TRIB2: variants seen among roughly 807,000 people sequenced by gnomAD.
TRIB2 encodes the protein tribbles homolog 2.
TRIB2 carries 2 observed loss-of-function variants against 26.8 expected under a neutral mutation model. The observed-to-expected ratio is 0.07, with a 90% CI of 0.03 to 0.24. TRIB2 has a LOEUF of 0.24. Among genes scored for constraint, TRIB2 ranks in the 10% least tolerant of loss-of-function variants. The probability of loss-of-function intolerance (pLI) is 1.00; values close to 1 mark genes in which losing one functional copy is unlikely to be tolerated. For missense variants in TRIB2, 306 were observed against 449.0 expected (o/e 0.68, Z 2.88); for synonymous variants, 189 against 187.3 (o/e 1.01, Z -0.08).
Position 12,736,483 on chromosome 2 carries a change from A to G in TRIB2, c.564-3843A>G, listed in dbSNP as rs569216731. On this transcript the variant is annotated intron_variant, in intron 2 of 2. Coordinates refer to ENST00000155926, the MANE Select transcript of TRIB2 (RefSeq NM_021643.4). Reference sequence around the variant, plus strand: ...CTGATATCCCCACCCCCTTATCACTATGGGAGATTCCTTGATGCTGTCATT... The same window carrying G: ...CTGATATCCCCACCCCCTTATCACTGTGGGAGATTCCTTGATGCTGTCATT... Among the ~76,000 whole-genome samples, 11 of 152,174 alleles carry G rather than the reference A, an allele frequency of 7.2e-5. No individual in the cohort carries two copies. In the South Asian group the frequency reaches 1.9e-3, roughly 26 times the overall value.
chr2:12,727,969 C>T (rs1211092646), intron 2 of TRIB2, among the ~76,000 whole-genome samples: 2 of 152,148 alleles, frequency 1.3e-5, no homozygotes, highest in Admixed American at 1.3e-4. Flanking sequence ...CCTGCTTGAT[C>T]AGTCTATTCT....
chr2:12,719,576 G>GTTT (rs11431277), intron 1 of TRIB2, among the ~76,000 whole-genome samples: 1,990 of 138,300 alleles, frequency 0.014, 57 homozygotes, highest in African/African-American at 0.049. Flanking sequence ...TTTGCTGACT[G>GTTT]TTTTTTTTTT....
At chr2:12,721,358 G>A (rs770538990) in intron 1 of TRIB2, among the ~76,000 whole-genome samples, 9 of 152,168 alleles carry the variant, frequency 5.9e-5, no homozygotes, top group Non-Finnish European at 1.0e-4. Flanking sequence ...CTGGAAACAG[G>A]AAGTAGATTA....
chr2:12,718,664 A>G lies in TRIB2; in HGVS notation c.270+87A>G, dbSNP rs945970614. The G allele has an allele frequency of 5.3e-6, 8 of 1,499,754 alleles. No individual in the cohort carries two copies. Among genetic ancestry groups the G allele is most frequent in the South Asian group, 1.3e-5 (1 of 79,318 alleles). The allele number at this position is 1,499,754 out of a possible 1,614,324, so 92.9% of individuals were successfully genotyped here. ...AGGCCCTCGAGTCTGGGAGAGGGAG[A>G]TTCGCGGGATAATTACCGTGGCCTT... On this transcript the variant is annotated intron_variant, in intron 1 of 2. Coordinates refer to ENST00000155926, the MANE Select transcript of TRIB2 (RefSeq NM_021643.4). This position sits in a 1 kb window ranked among gnomAD's most constrained non-coding sequence, Gnocchi z 4.0.
Position 12,718,600 on chromosome 2 carries a change from T to G in TRIB2, c.270+23T>G, listed in dbSNP as rs749654890. The G allele has an allele frequency of 1.9e-6, 3 of 1,602,836 alleles. No homozygotes were observed. In the African/African-American group the frequency reaches 4.0e-5, roughly 21 times the overall value. On this transcript the variant is annotated intron_variant, in intron 1 of 2. Transcript: ENST00000155926. This position sits in a 1 kb window ranked among gnomAD's most constrained non-coding sequence, Gnocchi z 4.0. ...AAGGTAAAGGGCCAGTGGGTTGCTT[T>G]TTGTCTTTGGAAGGGGCCCGAGGGA...
chr2:12,728,554 T>A (rs938315611), intron 2 of TRIB2, among the ~76,000 whole-genome samples: 8 of 152,246 alleles, frequency 5.3e-5, no homozygotes, highest in African/African-American at 1.9e-4. Context: ...TGTTGACATT[T>A]CCTTGCACAG....
At chr2:12,733,397 C>T (rs1661498022) in intron 2 of TRIB2, among the ~76,000 whole-genome samples, 1 of 152,136 alleles carries the variant, frequency 6.6e-6, no homozygotes, top group African/African-American at 2.4e-5. Context: ...CTAAGTAAAT[C>T]AGTGATTTTA....
At position 12,730,299 on chromosome 2, in the gene TRIB2, C is replaced by G. The variant is rs565997692; in HGVS notation, c.563+6747C>G. Among the ~76,000 whole-genome samples the G allele has an allele frequency of 6.5e-4, 99 of 152,354 alleles. No homozygotes were observed. The South Asian group carries it at 0.018, about 27-fold the overall frequency. ...AGATAAGAAAATTGATCCTCAGAGT[C>G]TAATGGCCAACCAGTGGCAGACCTG... On this transcript the variant is annotated intron_variant, in intron 2 of 2. Transcript: ENST00000155926.
Position 12,717,351 on chromosome 2 carries a change from A to G in TRIB2, c.-957A>G, listed in dbSNP as rs1156792032. 1 of 398,348 alleles carries G rather than the reference A, an allele frequency of 2.5e-6. No individual in the cohort carries two copies. The highest frequency in any genetic ancestry group is 3.6e-5 in the East Asian group (1 of 28,038). 24.7% of individuals were successfully genotyped at this position (398,348 alleles called of 1,614,324 possible). On this transcript the variant is annotated 5_prime_UTR_variant, in exon 1 of 3. Transcript: ENST00000155926. The surrounding 1 kb of genome is among the most constrained non-coding windows in gnomAD (Gnocchi z 4.8). ...CTTGCAGCGCCCGCAGGACCCCCGC[A>G]AGCTCGTGCCGGCGAAATCGGAGAC...
At chr2:12,733,112 AT>A (rs1425499902) in intron 2 of TRIB2, among the ~76,000 whole-genome samples, 1 of 151,778 alleles carries the variant, frequency 6.6e-6, no homozygotes, top group Non-Finnish European at 1.5e-5. Context: ...GATCTTGTGG[AT>A]TGAGCACTAA....
intron 2 of TRIB2, chr2:12,724,691 T>G: frequency 6.2e-7 from 1 of 1,612,926 alleles, no homozygotes; most frequent in East Asian, 2.2e-5. Flanking sequence ...CCCTCTGTGA[T>G]CTTGGATTGG....
At position 12,740,717 on chromosome 2, in the gene TRIB2, T is replaced by C. The variant is rs1226924126; in HGVS notation, c.955T>C (p.Tyr319His). The change falls in exon 3 of 3, where the codon TAT becomes CAT. Residue 319 changes from tyrosine (Y) to histidine (H), a missense_variant. Around this residue, in one of 4 missense-constraint regions of TRIB2, gnomAD observed 78 missense variants for 104.9 expected, o/e 0.74. Coordinates refer to ENST00000155926, the MANE Select transcript of TRIB2 (RefSeq NM_021643.4). This position sits in a 1 kb window ranked among gnomAD's most constrained non-coding sequence, Gnocchi z 5.8. Reference sequence around the variant, plus strand: ...AGATTTTAGCGTCTCGAATTCAGCATATGGTGCTAAGGAAGTGTCTGACCA... The same window carrying C: ...AGATTTTAGCGTCTCGAATTCAGCACATGGTGCTAAGGAAGTGTCTGACCA... ...STDFSVSNSA[Y>H]GAKEVSDQLV... 6.8e-6 allele frequency: 11 copies of C among 1,614,018 alleles called. No homozygotes were observed. Among genetic ancestry groups the C allele is most frequent in the African/African-American group, 1.3e-5 (1 of 74,898 alleles).
In TRIB2 at chr2:12,718,159, A is replaced by C. The variant is rs1666641215; in HGVS notation, c.-149A>C. ...CGGCGGCGCCCATTTGGGGGCTTCT[A>C]ACTCTTTCTCCACGCAGCCCCTCTT... On this transcript the variant is annotated 5_prime_UTR_variant, in exon 1 of 3. Coordinates refer to ENST00000155926, the MANE Select transcript of TRIB2 (RefSeq NM_021643.4). The surrounding 1 kb of genome is among the most constrained non-coding windows in gnomAD (Gnocchi z 4.0). 1 of 1,131,972 alleles carries C rather than the reference A, an allele frequency of 8.8e-7. No individual in the cohort carries two copies. The highest frequency in any genetic ancestry group is 2.6e-5 in the East Asian group (1 of 38,368). The allele number at this position is 1,131,972 out of a possible 1,614,324, so 70.1% of individuals were successfully genotyped here. A position where few individuals can be genotyped will look rare whatever the true frequency, so the allele number is the denominator to read the frequency against.
At chr2:12,739,353 G>A (rs549719535) in intron 2 of TRIB2, among the ~76,000 whole-genome samples, 10 of 152,244 alleles carry the variant, frequency 6.6e-5, no homozygotes, top group African/African-American at 2.2e-4. Context: ...TCCGCCTCCC[G>A]GGTTCAAACG....
intron 2 of TRIB2, among the ~76,000 whole-genome samples, chr2:12,733,696 G>C (rs1476193349): frequency 6.6e-6 from 1 of 152,106 alleles, no homozygotes; most frequent in Non-Finnish European, 1.5e-5. Context: ...GTAATCACTA[G>C]AGCTTAAGAA....
intron 1 of TRIB2, among the ~76,000 whole-genome samples, chr2:12,719,144 A>T (rs1049548709): frequency 6.6e-6 from 1 of 151,988 alleles, no homozygotes. Flanking sequence ...CCTTGAAAGG[A>T]GGGTTGGGGT....
intron 2 of TRIB2, among the ~76,000 whole-genome samples, chr2:12,727,829 G>A (rs1375566165): frequency 7.9e-6 from 1 of 125,952 alleles, no homozygotes; most frequent in Non-Finnish European, 1.9e-5. Context: ...TAAAATCTCA[G>A]ACAGTCTGTG....
At chr2:12,722,335 GATT>G (rs2103249972) in intron 1 of TRIB2, among the ~76,000 whole-genome samples, 1 of 152,324 alleles carries the variant, frequency 6.6e-6, no homozygotes, top group East Asian at 1.9e-4. Flanking sequence ...ACACTGAATA[GATT>G]CATCTTACCC....
At position 12,735,073 on chromosome 2, in the gene TRIB2, C is replaced by G. The variant is rs569314529; in HGVS notation, c.564-5253C>G. Among the ~76,000 whole-genome samples the G allele has an allele frequency of 6.6e-5, 10 of 152,306 alleles. No homozygotes were observed. The South Asian group carries it at 1.5e-3, about 22-fold the overall frequency. ...AAGTCCACAGTGACCAGAGCTGACA[C>G]TCACCCCCGCCTGTCAGACCTCCCT... On this transcript the variant is annotated intron_variant, in intron 2 of 2. Coordinates refer to ENST00000155926, the MANE Select transcript of TRIB2 (RefSeq NM_021643.4).
Sources: allele counts gnomAD v4.1 joint callset (sites outside exome capture counted in the v4.1 genomes callset), GRCh38; gene constraint gnomAD v4.1.1; regional missense constraint gnomAD v4.1.1; non-coding constraint Gnocchi (gnomAD v3.1); transcripts MANE v1.5; gene names NCBI Gene and HGNC (gene_info 2026-07-23, HGNC 2026-07-21).